Variants in BICRAL observed in about 807,000 individuals in gnomAD.
The protein encoded by BICRAL is BICRA like chromatin remodeling complex associated protein.
BICRAL carries 8 observed loss-of-function variants against 91.8 expected under a neutral mutation model. That is an observed-to-expected ratio of 0.09 (90% CI 0.05 to 0.16). The LOEUF is 0.16. Ranked by LOEUF, BICRAL falls within the 10% of genes least tolerant of loss-of-function variation. BICRAL has a pLI of 1.00. For synonymous variants in BICRAL, 445 were observed against 491.1 expected (o/e 0.91, Z 1.24); for missense variants, 1,038 against 1,310.9 (o/e 0.79, Z 3.21).
chr6:42,830,186 C>T lies in BICRAL; in HGVS notation c.1839+14C>T, dbSNP rs774907499. 5 of 1,611,184 alleles carry T rather than the reference C, an allele frequency of 3.1e-6. No homozygotes were observed. In the East Asian group the frequency reaches 8.9e-5, roughly 29 times the overall value. ...TTCTTCTGCCAGGTAATGCCCTTTC[C>T]CAAATAAATATTTGGCTGATTATAG... On this transcript the variant is annotated intron_variant, in intron 6 of 12. Coordinates refer to ENST00000314073, the MANE Select transcript of BICRAL (RefSeq NM_001393499.1).
chr6:42,807,278 G>C (rs1418062097), intron 1 of BICRAL, among the ~76,000 whole-genome samples: 1 of 151,716 alleles, frequency 6.6e-6, no homozygotes, highest in Admixed American at 6.6e-5. Context: ...CCGCCTTCCG[G>C]GTTCATGCCA....
chr6:42,819,909 A>T (rs1276043777), intron 2 of BICRAL, among the ~76,000 whole-genome samples: 1 of 152,152 alleles, frequency 6.6e-6, no homozygotes, highest in East Asian at 1.9e-4. Context: ...TAGGGGGTAG[A>T]TATTCCCAGG....
At chr6:42,776,562 G>A (rs1022664880) in intron 1 of BICRAL, among the ~76,000 whole-genome samples, 9 of 150,844 alleles carry the variant, frequency 6.0e-5, no homozygotes, top group African/African-American at 1.7e-4. Context: ...TGCCCAGGCT[G>A]GTCTCAAACT....
intron 2 of BICRAL, among the ~76,000 whole-genome samples, chr6:42,820,184 C>CA (rs1234497450): frequency 2.0e-5 from 3 of 151,858 alleles, no homozygotes; most frequent in Non-Finnish European, 4.4e-5. Flanking sequence ...AGGAACTAGG[C>CA]AAGTGTGTCA....
At chr6:42,769,125 T>C (rs1484084494) in intron 1 of BICRAL, among the ~76,000 whole-genome samples, 1 of 152,224 alleles carries the variant, frequency 6.6e-6, no homozygotes. Context: ...AAGAGCTTAG[T>C]TGAGTGTTTT....
intron 6 of BICRAL, among the ~76,000 whole-genome samples, chr6:42,830,477 A>G (rs1382484789): frequency 1.3e-5 from 2 of 152,140 alleles, no homozygotes; most frequent in Non-Finnish European, 2.9e-5. Context: ...GAGGCAGGAG[A>G]ATAGCTTGAG....
intron 2 of BICRAL, among the ~76,000 whole-genome samples, chr6:42,811,700 A>G (rs944097811): frequency 6.6e-6 from 1 of 151,524 alleles, no homozygotes; most frequent in Non-Finnish European, 1.5e-5. Flanking sequence ...CCACTCTACT[A>G]TCTGGAGATC....
At chr6:42,774,976 A>C (rs952772982) in intron 1 of BICRAL, among the ~76,000 whole-genome samples, 1 of 151,332 alleles carries the variant, frequency 6.6e-6, no homozygotes, top group Non-Finnish European at 1.5e-5. Context: ...CTTGTTGCCC[A>C]GGCTGGAGTG....
intron 1 of BICRAL, among the ~76,000 whole-genome samples, chr6:42,752,837 A>G (rs1762401085): frequency 6.7e-6 from 1 of 149,720 alleles, no homozygotes; most frequent in South Asian, 2.1e-4. Context: ...TCCTGACCTT[A>G]GGTGATCCAC....
chr6:42,848,801 A>G (rs1765095177), intron 6 of BICRAL, among the ~76,000 whole-genome samples: 1 of 152,244 alleles, frequency 6.6e-6, no homozygotes, highest in Admixed American at 6.5e-5. Flanking sequence ...GGATTGCCAC[A>G]GAGTGAGACC....
In BICRAL at chr6:42,838,478, G is replaced by T. The variant is rs895151964; in HGVS notation, c.1839+8306G>T. Among the ~76,000 whole-genome samples the T allele has an allele frequency of 9.2e-5, 14 of 152,274 alleles. No individual in the cohort carries two copies. The East Asian group carries it at 2.5e-3, about 27-fold the overall frequency. ...GCCTCTCCCAGATTTCTCCGCAAGG[G>T]TCTCAAAGGTGTCTTGTTCCCTTTG... On this transcript the variant is annotated intron_variant, in intron 6 of 12. Transcript: ENST00000314073.
intron 1 of BICRAL, among the ~76,000 whole-genome samples, chr6:42,791,283 T>A (rs962784286): frequency 6.6e-6 from 1 of 152,222 alleles, no homozygotes; most frequent in African/African-American, 2.4e-5. Context: ...ACGATTTGTT[T>A]ACTTATAAAT....
intron 1 of BICRAL, among the ~76,000 whole-genome samples, chr6:42,791,673 A>G (rs1418453479): frequency 6.6e-6 from 1 of 152,160 alleles, no homozygotes; most frequent in African/African-American, 2.4e-5. Flanking sequence ...TATGTTGCAC[A>G]GGCGTGTCTC....
chr6:42,772,688 G>A (rs929157893), intron 1 of BICRAL, among the ~76,000 whole-genome samples: 6 of 152,174 alleles, frequency 3.9e-5, no homozygotes, highest in Non-Finnish European at 8.8e-5. Context: ...AGGTGCTGAT[G>A]AAGGTGTGAC....
chr6:42,865,312 T>C lies in BICRAL; in HGVS notation c.3106T>C (p.Leu1036=). ...CCCCACGGTTAGCGGCTCTGTTGAG[T>C]TAGATTTCCCCAACTTTTCTCCTAT... is the stretch of plus-strand genomic sequence containing the variant. ...SDPTVSGSVE[L]DFPNFSPMAS... is the part of the protein sequence containing the mutation. Residue 1036 remains leucine, a synonymous_variant, in exon 13 of 13, where the codon TTA becomes CTA. Transcript: ENST00000314073. 1 of 1,614,054 alleles carries C rather than the reference T, an allele frequency of 6.2e-7. No homozygotes were observed. The highest frequency in any genetic ancestry group is 8.5e-7 in the Non-Finnish European group (1 of 1,179,994).
intron 1 of BICRAL, among the ~76,000 whole-genome samples, chr6:42,753,765 C>G (rs1336644398): frequency 6.6e-6 from 1 of 152,138 alleles, no homozygotes; most frequent in Non-Finnish European, 1.5e-5. Flanking sequence ...GTGTGCGCCA[C>G]CACACCCAGC....
intron 1 of BICRAL, among the ~76,000 whole-genome samples, chr6:42,774,783 A>C (rs1296239471): frequency 6.6e-6 from 1 of 152,134 alleles, no homozygotes; most frequent in East Asian, 1.9e-4. Flanking sequence ...GTGGCTCTTT[A>C]GTGATCAGAA....
chr6:42,760,631 C>T (rs981225012), intron 1 of BICRAL, among the ~76,000 whole-genome samples: 1 of 152,032 alleles, frequency 6.6e-6, no homozygotes, highest in East Asian at 1.9e-4. Flanking sequence ...GTCTCGAACT[C>T]CTGGGCTCAA....
chr6:42,864,086 G>C (rs1765636369), intron 12 of BICRAL, among the ~76,000 whole-genome samples: 1 of 151,582 alleles, frequency 6.6e-6, no homozygotes, highest in African/African-American at 2.4e-5. Flanking sequence ...AGAATCGCTT[G>C]AACCGAGGAG....
Sources: allele counts gnomAD v4.1 joint callset (sites outside exome capture counted in the v4.1 genomes callset), GRCh38; gene constraint gnomAD v4.1.1; transcripts MANE v1.5; gene names NCBI Gene and HGNC (gene_info 2026-07-23, HGNC 2026-07-21).